The following PSMD2 variants were observed in gnomAD, a reference collection of about 807,000 sequenced individuals.
The protein encoded by PSMD2 is proteasome 26S subunit ubiquitin receptor, non-ATPase 2, also known as 26S proteasome non-ATPase regulatory subunit 2.
Under a neutral mutation model 101.5 loss-of-function variants are expected in PSMD2, and 8 were observed. The observed-to-expected ratio is 0.08, with a 90% CI of 0.05 to 0.14. PSMD2 has a LOEUF of 0.14. Among genes scored for constraint, PSMD2 ranks in the 10% least tolerant of loss-of-function variants. PSMD2 has a pLI of 1.00. For synonymous variants in PSMD2, 418 were observed against 433.8 expected (o/e 0.96, Z 0.45); for missense variants, 784 against 1,147.4 (o/e 0.68, Z 4.58).
intron 2 of PSMD2, 113 bp downstream of exon 2, chr3:184,300,020 T>G: frequency 9.6e-7 from 1 of 1,045,556 alleles, no homozygotes; most frequent in Admixed American, 1.8e-5. Flanking sequence ...GTCAGTGTTA[T>G]GATGATGTTG....
Position 184,304,905 on chromosome 3 carries a change from AT to A in PSMD2, c.1539+516del, listed in dbSNP as rs1373628388. 2.6e-5 allele frequency among the ~76,000 whole-genome samples: 4 copies of A among 152,060 alleles called. No homozygotes were observed. Among genetic ancestry groups the A allele is most frequent in the African/African-American group, 9.7e-5 (4 of 41,396 alleles). Reference sequence around the variant, plus strand: ...ACCCTGTCTTTAAAAGAAAAAAAAAATTAACATTTTAGTGTTGAGTTCTGTC... The same window carrying A: ...ACCCTGTCTTTAAAAGAAAAAAAAAATAACATTTTAGTGTTGAGTTCTGTC... On this transcript the variant is annotated intron_variant, in intron 12 of 20. Transcript: ENST00000310118. This position sits in a 1 kb window ranked among gnomAD's most constrained non-coding sequence, Gnocchi z 4.1.
chr3:184,303,480 C>T lies in PSMD2; in HGVS notation c.1216+14C>T, dbSNP rs773476419. On this transcript the variant is annotated intron_variant, in intron 9 of 20. Coordinates refer to ENST00000310118, the MANE Select transcript of PSMD2 (RefSeq NM_002808.5). The stretch of plus-strand genomic sequence containing the variant: ...ACAAGGACCACGGTATAATTCTGTT[C>T]CTGCTTTGTCTTTTGTTTTGCTTTG... 3 of 1,612,432 alleles carry T rather than the reference C, an allele frequency of 1.9e-6. No individual in the cohort carries two copies. The highest frequency in any genetic ancestry group is 1.1e-5 in the South Asian group (1 of 90,860).
rs765423680 is a variant in PSMD2, at chr3:184,305,750, T to A, written c.1540-18T>A. 1 of 1,610,524 alleles carries A rather than the reference T, an allele frequency of 6.2e-7. No individual in the cohort carries two copies. The highest frequency in any genetic ancestry group is 8.5e-7 in the Non-Finnish European group (1 of 1,177,966). ...TTTAATAACTTACTCTGTGTAATAC[T>A]GATTTTCCTACCTCTAGGTGGCAGG... On this transcript the variant is annotated intron_variant, in intron 12 of 20. Transcript: ENST00000310118.
rs1721880508 is a variant in PSMD2, at chr3:184,307,698, G to A, written c.2288G>A (p.Arg763His). Residue 763 changes from arginine to histidine, a missense_variant, in exon 18 of 21, where the codon CGC (arginine) becomes CAC (histidine). Coordinates refer to ENST00000310118, the MANE Select transcript of PSMD2 (RefSeq NM_002808.5). ...GACCCAAACAACCTCTTCATGGTGC[G>A]CTTGGCACAGGTAAAGAATAGAACT... Reference protein sequence around the residue: ...AKDPNNLFMVRLAQGLTHLGK... With the variant: ...AKDPNNLFMVHLAQGLTHLGK... 2.5e-6 allele frequency: 4 copies of A among 1,614,098 alleles called. No homozygotes were observed. Among genetic ancestry groups the A allele is most frequent in the Admixed American group, 1.7e-5 (1 of 60,012 alleles).
chr3:184,302,643 G>C, intron 6 of PSMD2, 36 bp from the exon 7 acceptor site: 1 of 1,613,792 alleles, frequency 6.2e-7, no homozygotes, highest in East Asian at 2.2e-5. Flanking sequence ...GCCCTTAGTG[G>C]ACAGTGATGA....
chr3:184,301,715 G>A, intron 4 of PSMD2, 57 bp downstream of exon 4: 1 of 1,611,314 alleles, frequency 6.2e-7, no homozygotes, highest in Non-Finnish European at 8.5e-7. Context: ...AGATAATTCA[G>A]AATTTTCTTG....
Position 184,303,393 on chromosome 3 carries a change from G to A in PSMD2, c.1143G>A (p.Val381=), listed in dbSNP as rs370879787. The change falls in exon 9 of 21, where the codon GTG becomes GTA. Residue 381 remains valine (V), a synonymous_variant. Coordinates refer to ENST00000310118, the MANE Select transcript of PSMD2 (RefSeq NM_002808.5). ...CCTCCTCTTTTGTGAATGGCTTTGTGAATGCAGCTTTTGGCCAAGACAAGC... is the reference window on the plus strand; with the variant it reads ...CCTCCTCTTTTGTGAATGGCTTTGTAAATGCAGCTTTTGGCCAAGACAAGC... The part of the protein sequence containing the change: ...NLASSFVNGF[V]NAAFGQDKLL... The A allele has an allele frequency of 1.9e-6, 3 of 1,614,054 alleles. No homozygotes were observed. The highest frequency in any genetic ancestry group is 2.5e-6 in the Non-Finnish European group (3 of 1,180,046).
At chr3:184,303,777 G>T in intron 10 of PSMD2, 28 bp downstream of exon 10, 1 of 1,610,492 alleles carries the variant, frequency 6.2e-7, no homozygotes, top group South Asian at 1.1e-5. Flanking sequence ...CTGCTCATGG[G>T]GACTTCCCCG....
Position 184,306,478 on chromosome 3 carries a change from G to A in PSMD2, c.1933G>A (p.Asp645Asn). 1 of 1,614,004 alleles carries A rather than the reference G, an allele frequency of 6.2e-7. No homozygotes were observed. The highest frequency in any genetic ancestry group is 8.5e-7 in the Non-Finnish European group (1 of 1,179,932). ...CAAGGACAAGAAGGAAGCCCCTGCT[G>A]ACATGGGAGCACATCAGGTTATATG... Reference protein sequence around the residue: ...KDKDKKEAPADMGAHQGVAVL... With the variant: ...KDKDKKEAPANMGAHQGVAVL... The change falls in exon 15 of 21, where the codon GAC (aspartate) becomes AAC (asparagine). Residue 645 changes from aspartate (D) to asparagine (N), a missense_variant. This residue lies in a region of PSMD2 where 282 missense variants were observed against 437.6 expected (regional missense o/e 0.64). Transcript: ENST00000310118.
chr3:184,299,469 C>T, intron 1 of PSMD2, 68 bp downstream of exon 1: 1 of 1,310,792 alleles, frequency 7.6e-7, no homozygotes, highest in Non-Finnish European at 9.7e-7. Flanking sequence ...CCGCAGGCCT[C>T]AGGCCCGACA....
intron 15 of PSMD2, 59 bp downstream of exon 15, chr3:184,306,554 G>C: frequency 1.3e-6 from 2 of 1,573,632 alleles, no homozygotes; most frequent in Non-Finnish European, 1.7e-6. Context: ...GCATATAGGG[G>C]AGGCTGGGTT....
Position 184,302,514 on chromosome 3 carries a change from C to T in PSMD2, c.849C>T (p.Thr283=), listed in dbSNP as rs1721680401. 1 of 1,613,948 alleles carries T rather than the reference C, an allele frequency of 6.2e-7. No individual in the cohort carries two copies. Among genetic ancestry groups the T allele is most frequent in the African/African-American group, 1.3e-5 (1 of 74,890 alleles). Residue 283 remains threonine (T), a synonymous_variant, in exon 6 of 21, where the codon ACC becomes ACT. Coordinates refer to ENST00000310118, the MANE Select transcript of PSMD2 (RefSeq NM_002808.5). ...NDMELVEDIF[T]SCKDVVVQKQ... ...TGGAGTTGGTAGAAGACATCTTCAC[C>T]TCCTGCAAGGATGTGTATGTAGGGA...
At chr3:184,300,696 C>G in intron 3 of PSMD2, 1 of 1,213,704 alleles carries the variant, frequency 8.2e-7, no homozygotes, top group South Asian at 2.5e-5. Flanking sequence ...GTATGTTTAA[C>G]CTTGATTTTT....
In PSMD2 at chr3:184,299,361, A is replaced by C; in HGVS notation, c.95A>C (p.Glu32Ala). 7.1e-7 allele frequency: 1 copy of C among 1,409,554 alleles called. No homozygotes were observed. Among genetic ancestry groups the C allele is most frequent in the Non-Finnish European group, 9.2e-7 (1 of 1,084,846 alleles). 87.3% of individuals were successfully genotyped at this position (1,409,554 alleles called of 1,614,324 possible). A position where few individuals can be genotyped will look rare whatever the true frequency, so the allele number is the denominator to read the frequency against. ...ACGGACGAGAAGCCGAGCGGCAAGG[A>C]GCGGCGGGATGCCGGGGACAAGGAC... ...GGTDEKPSGK[E>A]RRDAGDKDKE... The change falls in exon 1 of 21, where the codon GAG becomes GCG. Residue 32 changes from glutamate to alanine, a missense_variant. Physicochemically the swap from Glu to Ala is moderately radical, Grantham distance 107. Around this residue, in one of 6 missense-constraint regions of PSMD2, gnomAD observed 196 missense variants for 182.4 expected, o/e 1.07. Coordinates refer to ENST00000310118, the MANE Select transcript of PSMD2 (RefSeq NM_002808.5).
rs781340225 is a variant in PSMD2, at chr3:184,299,245, C to T, written c.-22C>T. ...GCGGTGCGAGCGGGTGCGCGCGCAGCGGGCCGGCAGTGGCGGCGGAGATGG... is the reference window on the plus strand; with the variant it reads ...GCGGTGCGAGCGGGTGCGCGCGCAGTGGGCCGGCAGTGGCGGCGGAGATGG... On this transcript the variant is annotated 5_prime_UTR_variant, in exon 1 of 21. Transcript: ENST00000310118. 3.1e-6 allele frequency: 4 copies of T among 1,306,364 alleles called. No individual in the cohort carries two copies. The highest frequency in any genetic ancestry group is 3.1e-5 in the East Asian group (1 of 32,190). 80.9% of individuals were successfully genotyped at this position (1,306,364 alleles called of 1,614,324 possible).
At chr3:184,300,481 G>C in intron 3 of PSMD2, 37 bp downstream of exon 3, 1 of 1,600,152 alleles carries the variant, frequency 6.2e-7, no homozygotes. Flanking sequence ...GCCTAGTTTA[G>C]GAATTCCTTT....
intron 9 of PSMD2, 41 bp from the exon 10 acceptor site, chr3:184,303,602 A>T: frequency 1.2e-6 from 2 of 1,612,834 alleles, no homozygotes; most frequent in Non-Finnish European, 1.7e-6. Flanking sequence ...GATCCTCAGG[A>T]TAGGGCCATT....
At position 184,299,368 on chromosome 3, in the gene PSMD2, G is replaced by A. The variant is rs1666821430; in HGVS notation, c.102G>A (p.Arg34=). 1.4e-6 allele frequency: 2 copies of A among 1,406,020 alleles called. No individual in the cohort carries two copies. The highest frequency in any genetic ancestry group is 1.5e-5 in the African/African-American group (1 of 66,340). The allele number at this position is 1,406,020 out of a possible 1,614,324, so 87.1% of individuals were successfully genotyped here. A position where few individuals can be genotyped will look rare whatever the true frequency, so the allele number is the denominator to read the frequency against. ...TDEKPSGKER[R]DAGDKDKEQE... ...AGAAGCCGAGCGGCAAGGAGCGGCG[G>A]GATGCCGGGGACAAGGACAAAGAAC... Residue 34 remains arginine (R), a synonymous_variant, in exon 1 of 21, where the codon CGG becomes CGA. Coordinates refer to ENST00000310118, the MANE Select transcript of PSMD2 (RefSeq NM_002808.5).
rs572786406 is a variant in PSMD2 at position 184,306,619 on chromosome 3, A to G, written c.1950+124A>G. ...TTGCCATGTATTGAAATAGCGTGTG[A>G]CTGGGTTCTGTATGTAAGGGGTAAA... On this transcript the variant is annotated intron_variant, in intron 15 of 20. Coordinates refer to ENST00000310118, the MANE Select transcript of PSMD2 (RefSeq NM_002808.5). The G allele has an allele frequency of 3.3e-6, 5 of 1,531,280 alleles. No individual in the cohort carries two copies. In the South Asian group the frequency reaches 6.4e-5, roughly 20 times the overall value. 94.9% of individuals were successfully genotyped at this position (1,531,280 alleles called of 1,614,324 possible).
Sources: allele counts gnomAD v4.1 joint callset (sites outside exome capture counted in the v4.1 genomes callset), GRCh38; gene constraint gnomAD v4.1.1; regional missense constraint gnomAD v4.1.1; non-coding constraint Gnocchi (gnomAD v3.1); transcripts MANE v1.5; gene names NCBI Gene and HGNC (gene_info 2026-07-23, HGNC 2026-07-21).